THSD4: variants seen among roughly 807,000 people sequenced by gnomAD.
The protein encoded by THSD4 is thrombospondin type-1 domain-containing protein 4.
In THSD4, 69 loss-of-function variants were observed where a neutral mutation model predicts 119.0. That is an observed-to-expected ratio of 0.58 (90% CI 0.48 to 0.71). The LOEUF (loss-of-function observed/expected upper bound fraction) is 0.71. THSD4 is among the 30% of genes least tolerant of loss of function. The pLI, the probability that THSD4 is intolerant of heterozygous loss-of-function variation, is 0.00. For missense variants in THSD4, 1,393 were observed against 1,391.1 expected (o/e 1.00, Z -0.02); for synonymous variants, 524 against 540.4 (o/e 0.97, Z 0.42).
At chr15:71,479,244 A>ACCT (rs1424572309) in intron 7 of THSD4, among the ~76,000 whole-genome samples, 6 of 129,204 alleles carry the variant, frequency 4.6e-5, no homozygotes, top group Non-Finnish European at 9.3e-5. Context: ...GTAAGGTACT[A>ACCT]GATGGACATA....
At chr15:71,389,995 G>A (rs1266452580) in intron 6 of THSD4, among the ~76,000 whole-genome samples, 1 of 151,794 alleles carries the variant, frequency 6.6e-6, no homozygotes, top group Admixed American at 6.6e-5. Flanking sequence ...ATTAGAGACA[G>A]CATTTCACCA....
At chr15:71,136,986 C>T (rs2040557748) in intron 1 of THSD4, among the ~76,000 whole-genome samples, 1 of 152,158 alleles carries the variant, frequency 6.6e-6, no homozygotes, top group African/African-American at 2.4e-5. Context: ...CTGCTGCTGC[C>T]TCCTCCTGGT....
chr15:71,728,446 CAAAA>C, intron 8 of THSD4, 99 bp from the exon 9 acceptor site: 1 of 1,416,700 alleles, frequency 7.1e-7, no homozygotes, highest in Non-Finnish European at 9.7e-7. Context: ...TGGATCCTGT[CAAAA>C]ACCTTGATGA....
At chr15:71,416,017 G>A (rs1229540236) in intron 7 of THSD4, among the ~76,000 whole-genome samples, 2 of 152,088 alleles carry the variant, frequency 1.3e-5, no homozygotes, top group African/African-American at 4.8e-5. Flanking sequence ...GGCTGGTCTC[G>A]AACTCCTGAC....
At chr15:71,772,773 G>C (rs2053844659) in intron 17 of THSD4, among the ~76,000 whole-genome samples, 1 of 152,154 alleles carries the variant, frequency 6.6e-6, no homozygotes, top group South Asian at 2.1e-4. Flanking sequence ...TTTGATAAAG[G>C]GGGAATGATA....
rs191816936 is a variant in THSD4, at chr15:71,317,763, G to A, written c.1015+61048G>A. Reference sequence around the variant, plus strand: ...GGGAATGGTCTGGCTTCAAATCCTGGATCTATCACTTAGTATTGACATTTG... The same window carrying A: ...GGGAATGGTCTGGCTTCAAATCCTGAATCTATCACTTAGTATTGACATTTG... On this transcript the variant is annotated intron_variant, in intron 6 of 17. Transcript: ENST00000261862. Among the ~76,000 whole-genome samples the A allele has an allele frequency of 4.6e-5, 7 of 152,248 alleles. No individual in the cohort carries two copies. In the East Asian group the frequency reaches 1.2e-3, roughly 25 times the overall value.
chr15:71,252,271 A>G (rs1263315699), intron 5 of THSD4, among the ~76,000 whole-genome samples: 1 of 152,268 alleles, frequency 6.6e-6, no homozygotes, highest in African/African-American at 2.4e-5. Context: ...GACTCAGTCC[A>G]TGACATCAGG....
At chr15:71,276,351 A>G (rs994716846) in intron 6 of THSD4, among the ~76,000 whole-genome samples, 2 of 152,192 alleles carry the variant, frequency 1.3e-5, no homozygotes, top group African/African-American at 4.8e-5. Flanking sequence ...CCTGCTGAAT[A>G]ATTTTATTTC....
rs533094732 is a variant in THSD4, at chr15:71,243,959, G to GT, written c.912+870dup. On this transcript the variant is annotated intron_variant, in intron 5 of 17. Transcript: ENST00000261862. ...ACCACTATACCCAGCTAATTTTTCT[G>GT]TTTTTTTAGTAGAGACGGGGTTTCA... 2.1e-4 allele frequency among the ~76,000 whole-genome samples: 32 copies of GT among 151,664 alleles called. No homozygotes were observed. The South Asian group carries it at 3.5e-3, about 17-fold the overall frequency.
At chr15:71,339,042 T>C (rs2045527285) in intron 6 of THSD4, among the ~76,000 whole-genome samples, 1 of 152,186 alleles carries the variant, frequency 6.6e-6, no homozygotes, top group African/African-American at 2.4e-5. Flanking sequence ...CTCCAGCCAC[T>C]GGCCATCTCT....
intron 5 of THSD4, among the ~76,000 whole-genome samples, chr15:71,244,486 A>G (rs553537137): frequency 7.9e-5 from 12 of 152,200 alleles, no homozygotes; most frequent in African/African-American, 2.9e-4. Flanking sequence ...TAATAATTTC[A>G]TTGAATGCCT....
At chr15:71,696,863 T>C (rs2141062460) in intron 8 of THSD4, among the ~76,000 whole-genome samples, 1 of 152,232 alleles carries the variant, frequency 6.6e-6, no homozygotes, top group South Asian at 2.1e-4. Flanking sequence ...AGAACTAGTA[T>C]AGAGGCCTAT....
At chr15:71,721,311 A>G (rs139555307) in intron 8 of THSD4, among the ~76,000 whole-genome samples, 3,703 of 152,276 alleles carry the variant, frequency 0.024, 59 homozygotes, top group Middle Eastern at 0.041. Context: ...GATCGAGACC[A>G]TCCTGGCCAA....
intron 7 of THSD4, among the ~76,000 whole-genome samples, chr15:71,475,855 A>T (rs773811341): frequency 6.6e-6 from 1 of 152,168 alleles, no homozygotes; most frequent in Non-Finnish European, 1.5e-5. Flanking sequence ...TGAGCCCAGA[A>T]GTTCAAGGTT....
At chr15:71,157,717 A>G (rs573080685) in intron 3 of THSD4, among the ~76,000 whole-genome samples, 17 of 115,576 alleles carry the variant, frequency 1.5e-4, no homozygotes, top group African/African-American at 5.5e-4. Context: ...TCCACATATG[A>G]GTGAGATCTG....
chr15:71,758,027 C>T lies in THSD4; in HGVS notation c.2541C>T (p.Asn847=), dbSNP rs376671130. The change falls in exon 15 of 18, where the codon AAC becomes AAT. Residue 847 remains asparagine, a synonymous_variant. Coordinates refer to ENST00000261862, the MANE Select transcript of THSD4 (RefSeq NM_024817.3). ...NRPAEATPCD[N]GPCTGKVEWF... ...CGGCAGAGGCCACCCCATGTGACAA[C>T]GGACCCTGCACGGGCAAGGTGGAGT... 22 of 1,610,850 alleles carry T rather than the reference C, an allele frequency of 1.4e-5. 1 individual carries two copies. Among genetic ancestry groups the T allele is most frequent in the East Asian group, 8.9e-5 (4 of 44,764 alleles).
At chr15:71,507,489 C>T (rs2048208268) in intron 7 of THSD4, among the ~76,000 whole-genome samples, 1 of 152,112 alleles carries the variant, frequency 6.6e-6, no homozygotes, top group South Asian at 2.1e-4. Context: ...GTGTGTTTTT[C>T]TTTCAGCCAC....
At chr15:71,446,594 T>TA (rs1183512686) in intron 7 of THSD4, among the ~76,000 whole-genome samples, 1 of 152,182 alleles carries the variant, frequency 6.6e-6, no homozygotes, top group Non-Finnish European at 1.5e-5. Context: ...TGGCTGCAGG[T>TA]AACAGAAAAT....
chr15:71,551,672 C>T (rs796713834), intron 7 of THSD4, among the ~76,000 whole-genome samples: 19 of 152,068 alleles, frequency 1.2e-4, no homozygotes, highest in African/African-American at 2.9e-4. Context: ...AGGGAAGGCA[C>T]GCAGGACCCA....
Sources: gnomAD v4.1 joint callset for allele counts (sites outside exome capture counted in the v4.1 genomes callset) on GRCh38, gnomAD v4.1.1 for gene constraint, MANE v1.5 for transcripts, NCBI Gene and HGNC (gene_info 2026-07-23, HGNC 2026-07-21) for gene names.